Variants in FAM193A observed in about 807,000 individuals in gnomAD.
FAM193A encodes protein FAM193A.
Under a neutral mutation model 126.5 loss-of-function variants are expected in FAM193A, and 22 were observed. The observed-to-expected ratio is 0.17, with a 90% CI of 0.12 to 0.25. FAM193A has a LOEUF of 0.25. Ranked by LOEUF, FAM193A falls within the 10% of genes least tolerant of loss-of-function variation. The pLI is 1.00. For missense variants in FAM193A, 1,675 were observed against 1,672.8 expected (o/e 1.00, Z -0.02); for synonymous variants, 761 against 646.8 (o/e 1.18, Z -2.68).
chr4:2,628,834 A>G (rs1743240332), intron 4 of FAM193A, among the ~76,000 whole-genome samples: 1 of 149,492 alleles, frequency 6.7e-6, no homozygotes, highest in African/African-American at 2.4e-5. Context: ...TAGCTTCTTC[A>G]GCATATTGCT....
intron 19 of FAM193A, chr4:2,715,529 G>A (rs1719443889): frequency 1.0e-6 from 1 of 991,228 alleles, no homozygotes; most frequent in Admixed American, 6.1e-5. Context: ...CCTTCCTGTA[G>A]GGTTGATGTC....
At chr4:2,627,260 A>G (rs1171037125) in intron 4 of FAM193A, among the ~76,000 whole-genome samples, 2 of 148,192 alleles carry the variant, frequency 1.3e-5, no homozygotes, top group African/African-American at 5.0e-5. Flanking sequence ...TCCCGCATTC[A>G]AGCTGTTCTT....
intron 19 of FAM193A, among the ~76,000 whole-genome samples, chr4:2,701,990 T>C (rs1256308266): frequency 2.6e-5 from 4 of 152,186 alleles, no homozygotes; most frequent in Non-Finnish European, 5.9e-5. Context: ...CAGGCTGGTC[T>C]CAAACTCCCG....
chr4:2,626,268 C>T (rs1742955124), intron 3 of FAM193A, 142 bp from the exon 4 acceptor site: 5 of 620,008 alleles, frequency 8.1e-6, no homozygotes, highest in Non-Finnish European at 1.5e-5. Flanking sequence ...CATCACCCCC[C>T]TGCACTGACA....
intron 12 of FAM193A, among the ~76,000 whole-genome samples, chr4:2,666,104 T>C (rs1713083494): frequency 6.6e-6 from 1 of 152,224 alleles, no homozygotes; most frequent in African/African-American, 2.4e-5. Flanking sequence ...TGACCACTCT[T>C]TAAATGTGAT....
chr4:2,676,186 G>A (rs1714383458), intron 13 of FAM193A, among the ~76,000 whole-genome samples: 1 of 152,128 alleles, frequency 6.6e-6, no homozygotes, highest in African/African-American at 2.4e-5. Flanking sequence ...TTTAATTTTT[G>A]GAGGAACTGC....
chr4:2,699,594 G>A (rs1051412000), intron 18 of FAM193A, 86 bp from the exon 19 acceptor site: 16 of 1,368,460 alleles, frequency 1.2e-5, no homozygotes, highest in African/African-American at 7.3e-5. Flanking sequence ...TATGTGATTC[G>A]TTTTTGAAAT....
intron 1 of FAM193A, among the ~76,000 whole-genome samples, chr4:2,558,466 C>T (rs1158761645): frequency 6.6e-6 from 1 of 152,162 alleles, no homozygotes; most frequent in Non-Finnish European, 1.5e-5. Context: ...ACTGCAGCCT[C>T]CAACTCCTAG....
intron 20 of FAM193A, chr4:2,719,938 A>G (rs1179690051): frequency 6.6e-6 from 2 of 302,972 alleles, no homozygotes; most frequent in Non-Finnish European, 1.4e-5. Context: ...CTACAGGCAC[A>G]TGCACCATGC....
chr4:2,693,970 G>A, intron 16 of FAM193A, 96 bp downstream of exon 16: 2 of 1,320,324 alleles, frequency 1.5e-6, no homozygotes, highest in South Asian at 2.7e-5. Flanking sequence ...GGACCATGCA[G>A]TGGAAAAGTC....
chr4:2,536,138 C>T (rs1021111988), upstream of FAM193A, among the ~76,000 whole-genome samples: 7 of 151,714 alleles, frequency 4.6e-5, no homozygotes, highest in Non-Finnish European at 1.0e-4. Context: ...TCTGCGGCAC[C>T]TGGGCGGCGG....
intron 1 of FAM193A, among the ~76,000 whole-genome samples, chr4:2,574,889 A>G (rs1739496549): frequency 6.6e-6 from 1 of 152,196 alleles, no homozygotes; most frequent in Non-Finnish European, 1.5e-5. Flanking sequence ...AAGCTGAATG[A>G]AATCAAGAAA....
Position 2,659,503 on chromosome 4 carries a change from G to A in FAM193A, c.1390-55G>A, listed in dbSNP as rs1026648931. On this transcript the variant is annotated intron_variant, in intron 8 of 20. Transcript: ENST00000637812. ...CAGCAGAATTACTGAAAAATAATGAGCCATGTCTCGGGGAAGGGTCTTGCA... is the reference window on the plus strand; with the variant it reads ...CAGCAGAATTACTGAAAAATAATGAACCATGTCTCGGGGAAGGGTCTTGCA... 9.2e-6 allele frequency: 11 copies of A among 1,191,484 alleles called. No individual in the cohort carries two copies. In the East Asian group the frequency reaches 9.4e-5, roughly 10 times the overall value. 73.8% of individuals were successfully genotyped at this position (1,191,484 alleles called of 1,614,324 possible). A position where few individuals can be genotyped will look rare whatever the true frequency, so the allele number is the denominator to read the frequency against.
chr4:2,680,970 A>T (rs1031467589), intron 13 of FAM193A, among the ~76,000 whole-genome samples: 50 of 152,052 alleles, frequency 3.3e-4, no homozygotes, highest in African/African-American at 1.1e-3. Flanking sequence ...AATACCTTTT[A>T]TGTTTTTTTC....
intron 7 of FAM193A, among the ~76,000 whole-genome samples, chr4:2,650,946 C>G (rs1201204210): frequency 1.3e-5 from 2 of 152,146 alleles, no homozygotes; most frequent in Non-Finnish European, 2.9e-5. Context: ...AACAGACGTG[C>G]AGATGGAGAA....
chr4:2,683,520 C>T (rs1405070970), intron 13 of FAM193A, among the ~76,000 whole-genome samples: 2 of 152,226 alleles, frequency 1.3e-5, no homozygotes, highest in Non-Finnish European at 2.9e-5. Flanking sequence ...TCTTGAACCC[C>T]TGACCTCAGG....
chr4:2,562,372 A>C (rs1738669263), intron 1 of FAM193A, among the ~76,000 whole-genome samples: 1 of 152,104 alleles, frequency 6.6e-6, no homozygotes, highest in Non-Finnish European at 1.5e-5. Flanking sequence ...GGATCGCTTG[A>C]GCTTCGGAGT....
chr4:2,571,571 C>T (rs890424965), intron 1 of FAM193A, among the ~76,000 whole-genome samples: 3 of 151,310 alleles, frequency 2.0e-5, no homozygotes, highest in African/African-American at 7.3e-5. Context: ...CACAGAGTTT[C>T]GCTCTGTCCT....
intron 2 of FAM193A, among the ~76,000 whole-genome samples, chr4:2,605,076 TG>T (rs1286924564): frequency 2.6e-5 from 4 of 151,946 alleles, no homozygotes; most frequent in Admixed American, 2.6e-4. Context: ...CTCCAAGTGC[TG>T]GCATTACAGG....
Sources: gnomAD v4.1 joint callset for allele counts (sites outside exome capture counted in the v4.1 genomes callset) on GRCh38, gnomAD v4.1.1 for gene constraint, MANE v1.5 for transcripts, NCBI Gene and HGNC (gene_info 2026-07-23, HGNC 2026-07-21) for gene names.